Variants in SVIL observed in about 807,000 individuals in gnomAD.
SVIL encodes the protein supervillin.
A neutral mutation model predicts 240.4 loss-of-function variants in SVIL; 101 were observed. The observed-to-expected ratio is 0.42, with a 90% CI of 0.36 to 0.50. The LOEUF is 0.50. Among genes scored for constraint, SVIL ranks in the 20% least tolerant of loss-of-function variants. The pLI is 0.01. For missense variants in SVIL, 2,512 were observed against 2,818.7 expected, an observed-to-expected ratio of 0.89 and a Z score of 2.46; for synonymous variants, 999 against 1,100.0, an observed-to-expected ratio of 0.91 and a Z score of 1.82.
At chr10:29,665,227 CAAAA>C (rs58164251) in intron 2 of SVIL, among the ~76,000 whole-genome samples, 16 of 67,374 alleles carry the variant, frequency 2.4e-4, no homozygotes, top group Admixed American at 3.8e-4. Flanking sequence ...GATCTTGTCT[CAAAA>C]AAAAAAAAAA....
chr10:29,551,945 T>C (rs1378802660), intron 5 of SVIL, among the ~76,000 whole-genome samples: 2 of 151,960 alleles, frequency 1.3e-5, no homozygotes, highest in African/African-American at 4.8e-5. Flanking sequence ...ACCCTGCCTC[T>C]ACAAAAATTA....
chr10:29,678,201 G>A (rs1037052175), intron 2 of SVIL, among the ~76,000 whole-genome samples: 1 of 151,810 alleles, frequency 6.6e-6, no homozygotes, highest in Non-Finnish European at 1.5e-5. Context: ...TTATTACATT[G>A]TAATATATAA....
intron 1 of SVIL, among the ~76,000 whole-genome samples, chr10:29,625,277 G>A (rs1029985773): frequency 3.3e-5 from 5 of 152,250 alleles, no homozygotes; most frequent in African/African-American, 9.6e-5. Flanking sequence ...AAGTAAGAAA[G>A]AAGTAAAGTG....
chr10:29,548,720 A>G (rs1952928087), intron 6 of SVIL, among the ~76,000 whole-genome samples: 1 of 152,192 alleles, frequency 6.6e-6, no homozygotes, highest in African/African-American at 2.4e-5. Context: ...CTCTGCACTG[A>G]GATGCTTCCA....
intron 18 of SVIL, among the ~76,000 whole-genome samples, chr10:29,496,725 C>A (rs1159083088): frequency 1.3e-5 from 2 of 152,206 alleles, no homozygotes; most frequent in African/African-American, 4.8e-5. Context: ...CTAGGTACAA[C>A]AACCAGTCAC....
chr10:29,684,748 A>G (rs1217182090), intron 2 of SVIL, among the ~76,000 whole-genome samples: 1 of 152,184 alleles, frequency 6.6e-6, no homozygotes, highest in African/African-American at 2.4e-5. Context: ...TCTCTATGGA[A>G]TGTAAATTTC....
Position 29,695,883 on chromosome 10 carries a change from GTCTCCC to G in SVIL, c.-399-9238_-399-9233del, listed in dbSNP as rs1180790296. 8.5e-4 allele frequency among the ~76,000 whole-genome samples: 13 copies of G among 15,274 alleles called. 1 individual carries two copies. In the East Asian group the frequency reaches 0.017, roughly 20 times the overall value. 10.0% of individuals were successfully genotyped at this position (15,274 alleles called of 152,430 possible). A position where few individuals can be genotyped will look rare whatever the true frequency, so the allele number is the denominator to read the frequency against. ...TCTCCCGTCTCCCTCTCCCTCTCCCGTCTCCCTCTCCCTCTCCCGTCTCCCTCTCCC... is the reference window on the plus strand; with the variant it reads ...TCTCCCGTCTCCCTCTCCCTCTCCCGTCTCCCTCTCCCGTCTCCCTCTCCC... On this transcript the variant is annotated intron_variant, in intron 1 of 35. Transcript: ENST00000375400.
chr10:29,682,246 TAGCCCACGTGTAGGTATCTC>T (rs1381703887), intron 2 of SVIL, among the ~76,000 whole-genome samples: 1 of 151,878 alleles, frequency 6.6e-6, no homozygotes, highest in Non-Finnish European at 1.5e-5. Context: ...TTTGAGAGAG[TAGCCCACGTGTAGGTATCTC>T]AGCCCACAGT....
intron 29 of SVIL, among the ~76,000 whole-genome samples, chr10:29,474,609 AT>A (rs1945977092): frequency 8.2e-6 from 1 of 121,580 alleles, no homozygotes; most frequent in African/African-American, 2.7e-5. Flanking sequence ...AAATAAATAA[AT>A]AAATAAATAA....
intron 18 of SVIL, chr10:29,496,539 G>A: frequency 5.2e-6 from 2 of 383,336 alleles, no homozygotes; most frequent in Non-Finnish European, 1.0e-5. Context: ...GCCGGTGCCG[G>A]GCAAACCCCG....
intron 2 of SVIL, among the ~76,000 whole-genome samples, chr10:29,677,547 C>A (rs1404017393): frequency 6.6e-6 from 1 of 152,146 alleles, no homozygotes; most frequent in Non-Finnish European, 1.5e-5. Flanking sequence ...CCTCAGCCTC[C>A]TAAGTAGCTG....
At position 29,699,045 on chromosome 10, in the gene SVIL, G is replaced by A. The variant is rs180907719; in HGVS notation, c.-399-12394C>T. On this transcript the variant is annotated intron_variant, in intron 1 of 35. Transcript: ENST00000375400. ...ATTGGAACAACTGGTCCACAGGCTG[G>A]ATCTAACTCGGTCCTTGTCTTTGTC... Among the ~76,000 whole-genome samples the A allele has an allele frequency of 1.2e-4, 19 of 152,316 alleles. No homozygotes were observed. The East Asian group carries it at 3.3e-3, about 26-fold the overall frequency.
Position 29,465,747 on chromosome 10 carries a change from G to C in SVIL, c.5981C>G (p.Pro1994Arg), listed in dbSNP as rs1318525024. 2 of 1,611,800 alleles carry C rather than the reference G, an allele frequency of 1.2e-6. No homozygotes were observed. The highest frequency in any genetic ancestry group is 1.7e-6 in the Non-Finnish European group (2 of 1,179,862). Residue 1994 changes from proline (P) to arginine (R), a missense_variant, in exon 34 of 38, where the codon CCT becomes CGT. Around this residue, in one of 3 missense-constraint regions of SVIL, gnomAD observed 797 missense variants for 925.3 expected, o/e 0.86. Transcript: ENST00000355867. ...GCGGGGCGCGAAGTTAAAACTTCCAGGATCTTTGAAAGAAAAGAGAACAAA... is the reference window on the plus strand; with the variant it reads ...GCGGGGCGCGAAGTTAAAACTTCCACGATCTTTGAAAGAAAAGAGAACAAA... ...RKAYDCMLQD[P>R]GSFNFAPRLF...
chr10:29,588,895 T>C (rs1307568583), intron 1 of SVIL, among the ~76,000 whole-genome samples: 3 of 152,062 alleles, frequency 2.0e-5, no homozygotes, highest in African/African-American at 7.2e-5. Context: ...ACCACTTGCC[T>C]CACTTCCTAC....
chr10:29,533,790 T>C (rs143058158), intron 7 of SVIL, among the ~76,000 whole-genome samples: 1 of 152,294 alleles, frequency 6.6e-6, no homozygotes, highest in Non-Finnish European at 1.5e-5. Context: ...ACCACCAGCA[T>C]GCATTAGGGC....
intron 1 of SVIL, among the ~76,000 whole-genome samples, chr10:29,575,676 C>A (rs1241342622): frequency 3.3e-5 from 5 of 152,068 alleles, no homozygotes; most frequent in African/African-American, 1.2e-4. Context: ...CTACCTTTGC[C>A]GGCTGAAAAA....
At chr10:29,507,500 G>GAC (rs1049980108) in intron 17 of SVIL, among the ~76,000 whole-genome samples, 2 of 151,510 alleles carry the variant, frequency 1.3e-5, no homozygotes, top group South Asian at 4.2e-4. Flanking sequence ...CACACTTAAA[G>GAC]ACACACACAC....
At chr10:29,546,066 C>G (rs890708526) in intron 6 of SVIL, among the ~76,000 whole-genome samples, 7 of 152,012 alleles carry the variant, frequency 4.6e-5, no homozygotes, top group African/African-American at 2.4e-5. Context: ...TATATAGATA[C>G]GTGAGATGCA....
intron 3 of SVIL, among the ~76,000 whole-genome samples, chr10:29,644,707 C>T (rs937337943): frequency 7.2e-5 from 11 of 152,106 alleles, no homozygotes; most frequent in Non-Finnish European, 1.2e-4. Flanking sequence ...AGAAAGAAAC[C>T]AGAAACACTA....
Sources: allele counts gnomAD v4.1 joint callset (sites outside exome capture counted in the v4.1 genomes callset), GRCh38; gene constraint gnomAD v4.1.1; regional missense constraint gnomAD v4.1.1; transcripts MANE v1.5; gene names NCBI Gene and HGNC (gene_info 2026-07-23, HGNC 2026-07-21).